Variants in TRPM1 observed in about 807,000 individuals in gnomAD.
TRPM1 encodes transient receptor potential cation channel subfamily M member 1.
Under a neutral mutation model 149.4 loss-of-function variants are expected in TRPM1, and 113 were observed. That is an observed-to-expected ratio of 0.76 (90% CI 0.65 to 0.88). The LOEUF (loss-of-function observed/expected upper bound fraction) is 0.88, where lower values mean the gene tolerates loss of function less well. Ranked by LOEUF, TRPM1 falls within the 40% of genes least tolerant of loss-of-function variation. The probability of loss-of-function intolerance (pLI) is 0.00; values close to 1 mark genes in which losing one functional copy is unlikely to be tolerated. For missense variants in TRPM1, 1,976 were observed against 2,038.7 expected (o/e 0.97, Z 0.59); for synonymous variants, 741 against 759.5 (o/e 0.98, Z 0.40).
At chr15:31,082,465 A>C (rs1199992472) in intron 1 of TRPM1, among the ~76,000 whole-genome samples, 6 of 152,050 alleles carry the variant, frequency 3.9e-5, no homozygotes, top group Non-Finnish European at 8.8e-5. Flanking sequence ...AATGGCTTTG[A>C]GTGGTTTTGA....
At chr15:31,044,188 C>A (rs2033700089) in intron 16 of TRPM1, among the ~76,000 whole-genome samples, 1 of 152,194 alleles carries the variant, frequency 6.6e-6, no homozygotes, top group Admixed American at 6.5e-5. Flanking sequence ...GAAGGTTCTA[C>A]TTATCCAAAC....
At chr15:31,110,219 G>C (rs544907464) in intron 1 of TRPM1, among the ~76,000 whole-genome samples, 4 of 152,062 alleles carry the variant, frequency 2.6e-5, no homozygotes, top group Non-Finnish European at 4.4e-5. Context: ...AAAAGTGGTA[G>C]GTTAAAAAAA....
chr15:31,160,376 G>T (rs1277689571), intron 1 of TRPM1, among the ~76,000 whole-genome samples: 1 of 152,154 alleles, frequency 6.6e-6, no homozygotes, highest in Non-Finnish European at 1.5e-5. Flanking sequence ...TGCCCTCCCA[G>T]GTTCTCACTT....
intron 1 of TRPM1, among the ~76,000 whole-genome samples, chr15:31,088,949 C>T (rs977378457): frequency 6.6e-6 from 1 of 152,178 alleles, no homozygotes; most frequent in East Asian, 1.9e-4. Flanking sequence ...GCTGGCGCCT[C>T]TGTGAGGCAG....
chr15:31,055,127 A>G (rs2034049035), intron 11 of TRPM1, among the ~76,000 whole-genome samples: 1 of 152,232 alleles, frequency 6.6e-6, no homozygotes, highest in Non-Finnish European at 1.5e-5. Flanking sequence ...AGAATTCTAG[A>G]TAGACTATAG....
chr15:31,078,744 A>G (rs1318902670), intron 2 of TRPM1, among the ~76,000 whole-genome samples: 1 of 152,216 alleles, frequency 6.6e-6, no homozygotes, highest in Non-Finnish European at 1.5e-5. Flanking sequence ...TGCTGCCTGG[A>G]AAGAAACTGT....
At chr15:31,075,051 T>A (rs2034654458) in intron 3 of TRPM1, among the ~76,000 whole-genome samples, 1 of 152,232 alleles carries the variant, frequency 6.6e-6, no homozygotes, top group Admixed American at 6.5e-5. Context: ...TTGTATTATT[T>A]CTATCCTTTT....
At chr15:31,117,886 GA>G (rs1043092152) in intron 1 of TRPM1, among the ~76,000 whole-genome samples, 1 of 152,152 alleles carries the variant, frequency 6.6e-6, no homozygotes, top group Non-Finnish European at 1.5e-5. Flanking sequence ...GATGCAAATA[GA>G]AACTTCCAAA....
At chr15:31,082,082 G>A (rs147475617) in intron 1 of TRPM1, among the ~76,000 whole-genome samples, 1 of 152,248 alleles carries the variant, frequency 6.6e-6, no homozygotes, top group African/African-American at 2.4e-5. Context: ...TCAGTGCAAC[G>A]ATAACGCCAC....
At position 31,085,628 on chromosome 15, in the gene TRPM1, C is replaced by CGCTT. The variant is rs571119498; in HGVS notation, c.-83-4194_-83-4191dup. ...GGTGGTGCTGGTCAGATACCAGGAA[C>CGCTT]GCTTGTCGCTTTTGCCTCCTGCCAG... On this transcript the variant is annotated intron_variant, in intron 1 of 27. Coordinates refer to ENST00000256552, the MANE Select transcript of TRPM1 (RefSeq NM_001252024.2). Among the ~76,000 whole-genome samples, 460 of 152,340 alleles carry CGCTT rather than the reference C, an allele frequency of 3.0e-3. 3 individuals are homozygous for CGCTT. Among genetic ancestry groups the CGCTT allele is most frequent in the African/African-American group, 0.011 (444 of 41,572 alleles).
intron 2 of TRPM1, among the ~76,000 whole-genome samples, chr15:31,077,395 G>A (rs1054800269): frequency 1.3e-5 from 2 of 152,144 alleles, no homozygotes; most frequent in Admixed American, 1.3e-4. Context: ...GGCCCTGCTG[G>A]TGCTGGATGC....
At chr15:31,138,670 T>G (rs542727273) in intron 1 of TRPM1, among the ~76,000 whole-genome samples, 1 of 152,238 alleles carries the variant, frequency 6.6e-6, no homozygotes, top group East Asian at 1.9e-4. Context: ...GCAGCCTGGG[T>G]GACATAGTGG....
intron 7 of TRPM1, 125 bp downstream of exon 7, chr15:31,065,951 C>A: frequency 1.7e-6 from 2 of 1,195,236 alleles, no homozygotes; most frequent in Non-Finnish European, 2.4e-6. Context: ...GAGTCATTTT[C>A]TGTTGACCTA....
chr15:31,039,640 C>T (rs993018897), intron 18 of TRPM1, among the ~76,000 whole-genome samples: 3 of 152,172 alleles, frequency 2.0e-5, no homozygotes, highest in Non-Finnish European at 2.9e-5. Flanking sequence ...CAAACCCTTT[C>T]GTAGCTTCCT....
chr15:31,055,134 A>G (rs1359902236), intron 11 of TRPM1, among the ~76,000 whole-genome samples: 1 of 152,234 alleles, frequency 6.6e-6, no homozygotes, highest in Admixed American at 6.5e-5. Context: ...TAGATAGACT[A>G]TAGATTCACA....
chr15:31,090,658 A>G (rs1237133041), intron 1 of TRPM1, among the ~76,000 whole-genome samples: 1 of 151,994 alleles, frequency 6.6e-6, no homozygotes, highest in Non-Finnish European at 1.5e-5. Context: ...AGAAAAAAAA[A>G]AAAGAAACTG....
Position 31,040,107 on chromosome 15 carries a change from G to A in TRPM1, c.2316+11C>T, listed in dbSNP as rs369026007. On this transcript the variant is annotated intron_variant, in intron 18 of 27. Coordinates refer to ENST00000256552, the MANE Select transcript of TRPM1 (RefSeq NM_001252024.2). This position sits in a 1 kb window ranked among gnomAD's most constrained non-coding sequence, Gnocchi z 4.2. ...GTCACCCTGGCCCGCCTCGCAGCAC[G>A]TTGCACGCACCTTCAGGCCGGGGTT... 444 of 1,613,616 alleles carry A rather than the reference G, an allele frequency of 2.8e-4. 5 individuals carry two copies. The South Asian group carries it at 3.6e-3, about 13-fold the overall frequency.
At chr15:31,051,873 A>G (rs1435560282) in intron 11 of TRPM1, among the ~76,000 whole-genome samples, 1 of 152,164 alleles carries the variant, frequency 6.6e-6, no homozygotes, top group Non-Finnish European at 1.5e-5. Flanking sequence ...GTCCTCTTCC[A>G]GGGTCCCTTA....
intron 1 of TRPM1, among the ~76,000 whole-genome samples, chr15:31,149,810 C>CAT (rs879465403): frequency 7.9e-4 from 121 of 152,228 alleles, no homozygotes; most frequent in Non-Finnish European, 1.5e-3. Context: ...TGAGCCACGG[C>CAT]GCCAGGCCGT....
Sources: allele counts gnomAD v4.1 joint callset (sites outside exome capture counted in the v4.1 genomes callset), GRCh38; gene constraint gnomAD v4.1.1; non-coding constraint Gnocchi (gnomAD v3.1); transcripts MANE v1.5; gene names NCBI Gene and HGNC (gene_info 2026-07-23, HGNC 2026-07-21).